HMGXB4: variants seen among roughly 807,000 people sequenced by gnomAD.
The protein encoded by HMGXB4 is HMG-box containing 4.
In HMGXB4, 27 loss-of-function variants were observed where a neutral mutation model predicts 63.9. That is an observed-to-expected ratio of 0.42 (90% CI 0.31 to 0.58). The LOEUF (loss-of-function observed/expected upper bound fraction) is 0.58. Among genes scored for constraint, HMGXB4 ranks in the 20% least tolerant of loss-of-function variants. HMGXB4 has a pLI of 0.13. For missense variants in HMGXB4, 624 were observed against 700.7 expected, an observed-to-expected ratio of 0.89 and a Z score of 1.24; for synonymous variants, 264 against 265.3, an observed-to-expected ratio of 0.99 and a Z score of 0.05.
At chr22:35,271,136 C>T (rs997653010) in intron 5 of HMGXB4, among the ~76,000 whole-genome samples, 3 of 151,682 alleles carry the variant, frequency 2.0e-5, no homozygotes, top group Non-Finnish European at 2.9e-5. Context: ...GTGGCAAGCA[C>T]CTGAGTTTCA....
In HMGXB4 at chr22:35,287,455, A is replaced by G; in HGVS notation, c.1468+3A>G. On this transcript the variant is annotated splice_donor_region_variant and intron_variant, in intron 8 of 10. Coordinates refer to ENST00000216106, the MANE Select transcript of HMGXB4 (RefSeq NM_001003681.3). ...AGAAGGTTCCATGAAAGTCAAAGGT[A>G]GTGACCACATCCCGCCCCTGCTTTT... 2.5e-6 allele frequency: 4 copies of G among 1,597,864 alleles called. No individual in the cohort carries two copies. The highest frequency in any genetic ancestry group is 3.4e-6 in the Non-Finnish European group (4 of 1,165,924).
intron 5 of HMGXB4, among the ~76,000 whole-genome samples, chr22:35,276,289 G>A (rs747758325): frequency 1.3e-5 from 2 of 152,196 alleles, no homozygotes; most frequent in African/African-American, 2.4e-5. Flanking sequence ...TGTCATTCTA[G>A]TGCAGCTAGA....
intron 5 of HMGXB4, among the ~76,000 whole-genome samples, chr22:35,275,562 A>T (rs146695286): frequency 0.028 from 4,279 of 152,282 alleles, 76 homozygotes; most frequent in Non-Finnish European, 0.039. Flanking sequence ...GTTAAGCAGG[A>T]CACTTTATAA....
chr22:35,258,544 C>G (rs572540153), intron 1 of HMGXB4: 2 of 152,358 alleles, frequency 1.3e-5, no homozygotes, highest in African/African-American at 4.8e-5. Context: ...ATCCCCATCC[C>G]CGACTGTCGG....
intron 1 of HMGXB4, among the ~76,000 whole-genome samples, chr22:35,257,900 C>A (rs979078753): frequency 6.6e-6 from 1 of 151,942 alleles, no homozygotes. Context: ...CCCTCGGGGG[C>A]GCCGTGAGGC....
chr22:35,288,881 C>T (rs535344100), intron 9 of HMGXB4, among the ~76,000 whole-genome samples: 5 of 152,272 alleles, frequency 3.3e-5, no homozygotes, highest in African/African-American at 7.2e-5. Flanking sequence ...GTGGCTTATG[C>T]CTGTAATCCC....
chr22:35,288,596 T>C (rs1924737169), intron 9 of HMGXB4, among the ~76,000 whole-genome samples, 189 bp downstream of exon 9: 1 of 152,254 alleles, frequency 6.6e-6, no homozygotes, highest in African/African-American at 2.4e-5. Context: ...ATATTCAGTC[T>C]ACCTGTTAGC....
the HMGXB4 span, among the ~76,000 whole-genome samples, chr22:35,241,784 T>A: frequency 6.6e-6 from 1 of 152,218 alleles, no homozygotes; most frequent in Admixed American, 6.5e-5. Flanking sequence ...GGGTGTCTCC[T>A]GGGTCCTGCA....
intron 1 of HMGXB4, among the ~76,000 whole-genome samples, chr22:35,261,580 T>C (rs889484493): frequency 5.9e-5 from 9 of 152,166 alleles, no homozygotes; most frequent in African/African-American, 1.9e-4. Context: ...ATTTAAATTA[T>C]AGCAATTCTT....
chr22:35,291,698 T>C (rs1924943632), intron 9 of HMGXB4, among the ~76,000 whole-genome samples: 1 of 152,218 alleles, frequency 6.6e-6, no homozygotes, highest in Non-Finnish European at 1.5e-5. Flanking sequence ...GTGCTTAATA[T>C]GAATTATATC....
chr22:35,285,140 T>A (rs1192733810), intron 6 of HMGXB4, among the ~76,000 whole-genome samples: 2 of 152,218 alleles, frequency 1.3e-5, no homozygotes, highest in Non-Finnish European at 2.9e-5. Context: ...ATGCAGTGGC[T>A]CATGCCTATA....
chr22:35,270,633 A>G lies in HMGXB4; in HGVS notation c.1215+5030A>G, dbSNP rs191567256. 2.9e-3 allele frequency among the ~76,000 whole-genome samples: 440 copies of G among 152,326 alleles called. 1 individual carries two copies. Among genetic ancestry groups the G allele is most frequent in the Non-Finnish European group, 4.5e-3 (304 of 68,036 alleles). The stretch of plus-strand genomic sequence containing the variant: ...AGAAACATAAATGAGTCTAAGAAAT[A>G]TCTCTTCAGCTTTGAACCTAGATAA... On this transcript the variant is annotated intron_variant, in intron 5 of 10. Transcript: ENST00000216106.
At chr22:35,282,125 T>C (rs925665722) in intron 5 of HMGXB4, among the ~76,000 whole-genome samples, 2 of 152,202 alleles carry the variant, frequency 1.3e-5, no homozygotes, top group Non-Finnish European at 2.9e-5. Flanking sequence ...AACCTGACTC[T>C]TAAGGCAAAC....
chr22:35,247,031 G>C, the HMGXB4 span, among the ~76,000 whole-genome samples: 1 of 152,252 alleles, frequency 6.6e-6, no homozygotes, highest in East Asian at 1.9e-4. Context: ...TTCTGGGTCT[G>C]TCTATATGGA....
chr22:35,284,153 C>G (rs949117747), intron 6 of HMGXB4, 110 bp downstream of exon 6: 4 of 769,666 alleles, frequency 5.2e-6, no homozygotes, highest in Non-Finnish European at 8.8e-6. Context: ...TTTCTTTCCT[C>G]AGTTCTGCAA....
chr22:35,265,914 T>G (rs1923215361), intron 5 of HMGXB4, among the ~76,000 whole-genome samples: 1 of 151,600 alleles, frequency 6.6e-6, no homozygotes, highest in Non-Finnish European at 1.5e-5. Context: ...TAGCTGAAAT[T>G]ACAGGCACCC....
At chr22:35,258,837 T>C (rs548383906) in intron 1 of HMGXB4, among the ~76,000 whole-genome samples, 1 of 152,360 alleles carries the variant, frequency 6.6e-6, no homozygotes, top group Non-Finnish European at 1.5e-5. Context: ...GACATGGCTC[T>C]CATCCTGGAA....
At chr22:35,278,056 A>G (rs1284401968) in intron 5 of HMGXB4, among the ~76,000 whole-genome samples, 4 of 152,122 alleles carry the variant, frequency 2.6e-5, no homozygotes, top group East Asian at 1.9e-4. Flanking sequence ...TATTGTCTCC[A>G]TAGTTTTGCC....
At chr22:35,273,038 G>T (rs577353911) in intron 5 of HMGXB4, among the ~76,000 whole-genome samples, 2 of 152,264 alleles carry the variant, frequency 1.3e-5, no homozygotes, top group Admixed American at 1.3e-4. Flanking sequence ...CTAAGGCAGG[G>T]CCAGGTAGCC....
Sources: gnomAD v4.1 joint callset for allele counts (sites outside exome capture counted in the v4.1 genomes callset) on GRCh38, gnomAD v4.1.1 for gene constraint, MANE v1.5 for transcripts, NCBI Gene and HGNC (gene_info 2026-07-23, HGNC 2026-07-21) for gene names.